The following FKBP5 variants were observed in gnomAD, a reference collection of about 807,000 sequenced individuals.
FKBP5 encodes the protein peptidyl-prolyl cis-trans isomerase FKBP5.
FKBP5 carries 23 observed loss-of-function variants against 50.5 expected under a neutral mutation model. The observed-to-expected ratio is 0.46, with a 90% CI of 0.33 to 0.65. The LOEUF is 0.65. Ranked by LOEUF, FKBP5 falls within the 30% of genes least tolerant of loss-of-function variation. FKBP5 has a pLI of 0.02. For synonymous variants in FKBP5, 176 were observed against 190.6 expected (o/e 0.92, Z 0.63); for missense variants, 411 against 553.1 (o/e 0.74, Z 2.58).
At chr6:35,671,450 C>A (rs1329262112) in intron 1 of FKBP5, among the ~76,000 whole-genome samples, 1 of 151,558 alleles carries the variant, frequency 6.6e-6, no homozygotes. Flanking sequence ...GCCTATAAAG[C>A]GCCTAACATT....
intron 1 of FKBP5, among the ~76,000 whole-genome samples, chr6:35,677,088 T>C (rs1164667280): frequency 1.3e-5 from 2 of 152,162 alleles, no homozygotes; most frequent in Non-Finnish European, 2.9e-5. Flanking sequence ...TGTTGTTTTG[T>C]TTTAAGACGT....
At chr6:35,721,684 C>A (rs1561910184) in intron 1 of FKBP5, among the ~76,000 whole-genome samples, 1 of 152,188 alleles carries the variant, frequency 6.6e-6, no homozygotes, top group Non-Finnish European at 1.5e-5. Context: ...GAACTCCTGA[C>A]CTCAGGTGAT....
chr6:35,605,712 G>T (rs1251459366), intron 5 of FKBP5, among the ~76,000 whole-genome samples: 1 of 151,988 alleles, frequency 6.6e-6, no homozygotes, highest in South Asian at 2.1e-4. Flanking sequence ...ATATCATACT[G>T]AACGGGCAAA....
rs1368705051 is a variant in FKBP5 at position 35,658,701 on chromosome 6, TGGAA to T, written c.-19-15862_-19-15859del. ...AAATGTTAAACCAACCTTGGATACC[TGGAA>T]TAAACCCTATTTGGTCACTGTATTT... is the stretch of plus-strand genomic sequence containing the variant. On this transcript the variant is annotated intron_variant, in intron 1 of 10. Transcript: ENST00000357266. 1.9e-4 allele frequency among the ~76,000 whole-genome samples: 4 copies of T among 20,746 alleles called. 2 individuals carry two copies. The highest frequency in any genetic ancestry group is 2.7e-4 in the Non-Finnish European group (2 of 7,402). 13.6% of individuals were successfully genotyped at this position (20,746 alleles called of 152,430 possible).
chr6:35,625,054 C>T (rs1451370415), intron 3 of FKBP5, among the ~76,000 whole-genome samples: 2 of 152,128 alleles, frequency 1.3e-5, no homozygotes, highest in African/African-American at 4.8e-5. Flanking sequence ...GGTTAAATTC[C>T]TAGATGTAGA....
At chr6:35,649,123 C>A (rs923634440) in intron 1 of FKBP5, among the ~76,000 whole-genome samples, 2 of 151,482 alleles carry the variant, frequency 1.3e-5, no homozygotes, top group East Asian at 1.9e-4. Context: ...TGGTGGCGAG[C>A]GCCTGTAGTT....
intron 3 of FKBP5, among the ~76,000 whole-genome samples, chr6:35,621,104 C>T (rs778288183): frequency 2.0e-5 from 3 of 152,160 alleles, no homozygotes; most frequent in Non-Finnish European, 2.9e-5. Context: ...TAAACAAAAA[C>T]ATATGTGTCT....
chr6:35,651,492 C>CTGA (rs1265042401), intron 1 of FKBP5, among the ~76,000 whole-genome samples: 2 of 152,080 alleles, frequency 1.3e-5, no homozygotes, highest in African/African-American at 4.8e-5. Context: ...GAGATAAGGC[C>CTGA]TGAGCTCAGG....
intron 5 of FKBP5, among the ~76,000 whole-genome samples, chr6:35,613,189 G>A (rs756258914): frequency 6.6e-5 from 10 of 152,146 alleles, no homozygotes; most frequent in East Asian, 1.9e-4. Context: ...CTCTATAGCC[G>A]GCTTTAGTTC....
chr6:35,726,419 C>T (rs1356185497), intron 1 of FKBP5, among the ~76,000 whole-genome samples: 3 of 152,106 alleles, frequency 2.0e-5, no homozygotes, highest in African/African-American at 7.2e-5. Flanking sequence ...CCTCCCAATC[C>T]TATCCCCCCA....
At chr6:35,620,401 G>T in intron 3 of FKBP5, 127 bp from the exon 4 acceptor site, 1 of 892,500 alleles carries the variant, frequency 1.1e-6, no homozygotes, top group Non-Finnish European at 1.7e-6. Flanking sequence ...TGGGCTACAA[G>T]ATGACAGAGT....
At chr6:35,682,293 C>A (rs1302938342) in intron 1 of FKBP5, among the ~76,000 whole-genome samples, 2 of 152,168 alleles carry the variant, frequency 1.3e-5, no homozygotes, top group Non-Finnish European at 2.9e-5. Flanking sequence ...ACATTCCATG[C>A]TCATTCAGAA....
rs755954942 is a variant in FKBP5 at position 35,597,340 on chromosome 6, G to A, written c.573C>T (p.Gly191=). The A allele has an allele frequency of 1.5e-5, 25 of 1,613,862 alleles. No homozygotes were observed. The highest frequency in any genetic ancestry group is 8.9e-5 in the East Asian group (4 of 44,886). The stretch of plus-strand genomic sequence containing the variant: ...TTGGAATGTCGTGGTCTTCTCCTTC[G>A]CCCACAGTGAATGCCACATCTCTGC... ...FDCRDVAFTV[G]EGEDHDIPIG... Residue 191 remains glycine (G), a synonymous_variant, in exon 6 of 11, where the codon GGC becomes GGT. Transcript: ENST00000357266.
chr6:35,697,169 G>T (rs777352569), intron 2 of FKBP5, among the ~76,000 whole-genome samples: 1 of 152,124 alleles, frequency 6.6e-6, no homozygotes, highest in Non-Finnish European at 1.5e-5. Context: ...TAGCCAAAAG[G>T]TGGGCCCAAT....
chr6:35,694,994 G>T (rs557215906), intron 2 of FKBP5, among the ~76,000 whole-genome samples: 46 of 152,264 alleles, frequency 3.0e-4, no homozygotes, highest in Middle Eastern at 6.8e-3. Context: ...GCATGTCTGT[G>T]TCCCAACAAA....
intron 1 of FKBP5, among the ~76,000 whole-genome samples, chr6:35,724,006 G>A (rs1377059209): frequency 6.6e-6 from 1 of 152,238 alleles, no homozygotes; most frequent in African/African-American, 2.4e-5. Context: ...AGGAAAGCGA[G>A]TCTGATTCTT....
Position 35,725,854 on chromosome 6 carries a change from G to C in FKBP5, c.-241+2654C>G, listed in dbSNP as rs921038579. Among the ~76,000 whole-genome samples the C allele has an allele frequency of 3.3e-5, 5 of 152,164 alleles. No homozygotes were observed. The South Asian group carries it at 8.3e-4, about 25-fold the overall frequency. On this transcript the variant is annotated intron_variant, in intron 1 of 11. Coordinates refer to the FKBP5 transcript ENST00000536438. ...TGAGCACTAAAATGGGGAGGGAAGA[G>C]AGCAGAGGTTCCTTCGAGGTTGGCC...
intron 1 of FKBP5, among the ~76,000 whole-genome samples, chr6:35,684,809 T>C (rs1765777741): frequency 1.3e-5 from 2 of 152,156 alleles, no homozygotes; most frequent in African/African-American, 4.8e-5. Context: ...GGAGGATCAC[T>C]TGAGCTCAGG....
At chr6:35,666,272 A>G (rs1475179918) in intron 1 of FKBP5, among the ~76,000 whole-genome samples, 4 of 151,862 alleles carry the variant, frequency 2.6e-5, no homozygotes, top group Non-Finnish European at 2.9e-5. Flanking sequence ...GAATTTCCCA[A>G]TATCTACTGA....
Sources: gnomAD v4.1 joint callset for allele counts (sites outside exome capture counted in the v4.1 genomes callset) on GRCh38, gnomAD v4.1.1 for gene constraint, MANE v1.5 for transcripts, NCBI Gene and HGNC (gene_info 2026-07-23, HGNC 2026-07-21) for gene names.